The following CC2D2A variants were observed in gnomAD, a reference collection of about 807,000 sequenced individuals.
The protein encoded by CC2D2A is coiled-coil and C2 domain-containing protein 2A.
In CC2D2A, 155 loss-of-function variants were observed where a neutral mutation model predicts 212.9. That is an observed-to-expected ratio of 0.73 (90% CI 0.64 to 0.83). The LOEUF is 0.83. Ranked by LOEUF, CC2D2A falls within the 40% of genes least tolerant of loss-of-function variation. The pLI is 0.00. For missense variants in CC2D2A, 1,856 were observed against 1,956.2 expected, an observed-to-expected ratio of 0.95 and a Z score of 0.97; for synonymous variants, 667 against 686.5, an observed-to-expected ratio of 0.97 and a Z score of 0.44.
At chr4:15,533,005 CA>C (rs1717927101) in intron 13 of CC2D2A, among the ~76,000 whole-genome samples, 187 bp from the exon 14 acceptor site, 1 of 152,198 alleles carries the variant, frequency 6.6e-6, no homozygotes, top group Non-Finnish European at 1.5e-5. Context: ...AGAACAAAAT[CA>C]AGTAAATCTC....
At chr4:15,492,633 G>A in intron 4 of CC2D2A, 1 of 518,324 alleles carries the variant, frequency 1.9e-6, no homozygotes, top group South Asian at 1.8e-5. Context: ...TCTCAGTGAG[G>A]TGGGGGACTA....
At chr4:15,471,578 T>C (rs979851705) in intron 1 of CC2D2A, among the ~76,000 whole-genome samples, 1 of 151,800 alleles carries the variant, frequency 6.6e-6, no homozygotes, top group African/African-American at 2.4e-5. Flanking sequence ...ATTTAGCCCT[T>C]ATAAATTAAT....
chr4:15,522,010 A>G (rs1045719252), intron 11 of CC2D2A, among the ~76,000 whole-genome samples: 2 of 152,092 alleles, frequency 1.3e-5, no homozygotes, highest in Non-Finnish European at 2.9e-5. Flanking sequence ...AACAGCCTGG[A>G]CAACATAGTG....
chr4:15,518,082 C>G (rs1168332505), intron 11 of CC2D2A, among the ~76,000 whole-genome samples: 1 of 152,084 alleles, frequency 6.6e-6, no homozygotes, highest in African/African-American at 2.4e-5. Context: ...ACAGCCAAAC[C>G]ATATCATTTC....
intron 5 of CC2D2A, 55 bp downstream of exon 5, chr4:15,502,572 T>C: frequency 1.4e-6 from 2 of 1,446,256 alleles, no homozygotes; most frequent in Non-Finnish European, 1.9e-6. Context: ...CTTCCAGGGC[T>C]TGTCTAGCTT....
At chr4:15,475,860 G>A (rs1714177996) in intron 1 of CC2D2A, 55 bp from the exon 2 acceptor site, 2 of 1,349,498 alleles carry the variant, frequency 1.5e-6, no homozygotes, top group African/African-American at 2.9e-5. Context: ...CATAGTAAGA[G>A]AAGCAATATT....
intron 24 of CC2D2A, 133 bp downstream of exon 24, chr4:15,563,655 C>A: frequency 1.1e-6 from 1 of 886,704 alleles, no homozygotes; most frequent in South Asian, 1.6e-5. Flanking sequence ...CTTGCAAAGC[C>A]AAGGCCCTAC....
chr4:15,496,206 C>T (rs1335615459), intron 4 of CC2D2A, among the ~76,000 whole-genome samples: 1 of 152,212 alleles, frequency 6.6e-6, no homozygotes, highest in Admixed American at 6.5e-5. Context: ...TTGATAGTTT[C>T]TTTTGCTGTG....
intron 34 of CC2D2A, 83 bp downstream of exon 34, chr4:15,596,290 T>A: frequency 7.8e-7 from 1 of 1,282,328 alleles, no homozygotes; most frequent in Non-Finnish European, 1.0e-6. Context: ...TTTTTACCCC[T>A]GGGTAGTCTA....
chr4:15,511,379 G>A lies in CC2D2A; in HGVS notation c.673G>A (p.Gly225Arg). 1 of 1,557,638 alleles carries A rather than the reference G, an allele frequency of 6.4e-7. No individual in the cohort carries two copies. Among genetic ancestry groups the A allele is most frequent in the South Asian group, 1.2e-5 (1 of 80,418 alleles). ...RAGTNQEEEE[G>R]EEEEPPAQGG... ...GGGAACTAATCAAGAGGAGGAGGAA[G>A]GGGAAGAAGAAGAACCACCTGCACA... Residue 225 changes from glycine (G) to arginine (R), a missense_variant, in exon 8 of 37, where the codon GGG becomes AGG. Physicochemically the swap from Gly to Arg is moderately radical, Grantham distance 125. Around this residue, in one of 5 missense-constraint regions of CC2D2A, gnomAD observed 1,512 missense variants for 1,579.3 expected, o/e 0.96. Transcript: ENST00000424120.
At chr4:15,501,550 G>T (rs1715954783) in intron 4 of CC2D2A, among the ~76,000 whole-genome samples, 1 of 152,138 alleles carries the variant, frequency 6.6e-6, no homozygotes, top group Non-Finnish European at 1.5e-5. Flanking sequence ...GCAATCTTGA[G>T]TCCTTCTTCA....
chr4:15,563,798 G>C, intron 24 of CC2D2A: 1 of 353,706 alleles, frequency 2.8e-6, no homozygotes, highest in Non-Finnish European at 5.2e-6. Context: ...TAGTTCTCCT[G>C]AGGCCCCGTG....
chr4:15,484,309 A>C (rs939619566), intron 4 of CC2D2A, among the ~76,000 whole-genome samples: 1 of 152,212 alleles, frequency 6.6e-6, no homozygotes, highest in Non-Finnish European at 1.5e-5. Context: ...GGCAGTGGAG[A>C]GTGAACAACA....
intron 9 of CC2D2A, 69 bp from the exon 10 acceptor site, chr4:15,515,799 C>A (rs1036636367): frequency 5.8e-6 from 8 of 1,375,190 alleles, no homozygotes; most frequent in Admixed American, 2.5e-5. Context: ...GTGATTAATT[C>A]ACCAAACTGC....
intron 6 of CC2D2A, among the ~76,000 whole-genome samples, chr4:15,508,793 T>G (rs1355073775): frequency 2.0e-5 from 3 of 152,250 alleles, no homozygotes; most frequent in African/African-American, 7.2e-5. Flanking sequence ...GGGTGACAGT[T>G]ATTCCATGCT....
intron 13 of CC2D2A, 38 bp downstream of exon 13, chr4:15,528,764 C>A: frequency 7.1e-7 from 1 of 1,412,728 alleles, no homozygotes; most frequent in Non-Finnish European, 9.9e-7. Context: ...CTTTTTTTCC[C>A]GTTAGATGTG....
At chr4:15,506,632 G>A (rs1001423043) in intron 6 of CC2D2A, among the ~76,000 whole-genome samples, 1 of 152,118 alleles carries the variant, frequency 6.6e-6, no homozygotes, top group Non-Finnish European at 1.5e-5. Flanking sequence ...CTTTGCTACA[G>A]GAAGTGCAGC....
chr4:15,560,737 G>A (rs1719546857), intron 23 of CC2D2A, 115 bp downstream of exon 23: 1 of 554,076 alleles, frequency 1.8e-6, no homozygotes. Context: ...ATGCATTTGG[G>A]CCAGGAATAA....
At chr4:15,503,331 T>G (rs879471374) in intron 6 of CC2D2A, among the ~76,000 whole-genome samples, 3 of 152,142 alleles carry the variant, frequency 2.0e-5, no homozygotes, top group Admixed American at 2.0e-4. Flanking sequence ...TAGCTACTAT[T>G]TATAAGGTAC....
Sources: allele counts gnomAD v4.1 joint callset (sites outside exome capture counted in the v4.1 genomes callset), GRCh38; gene constraint gnomAD v4.1.1; regional missense constraint gnomAD v4.1.1; transcripts MANE v1.5; gene names NCBI Gene and HGNC (gene_info 2026-07-23, HGNC 2026-07-21).